TRAF5: variants seen among roughly 807,000 people sequenced by gnomAD.
TRAF5 encodes the protein TNF receptor-associated factor 5.
TRAF5 carries 48 observed loss-of-function variants against 64.5 expected under a neutral mutation model. The ratio of observed to expected loss-of-function variants is 0.74; its 90% CI spans 0.59 to 0.95. TRAF5 has a LOEUF of 0.95. TRAF5 is among the 40% of genes least tolerant of loss of function. The pLI, the probability that TRAF5 is intolerant of heterozygous loss-of-function variation, is 0.00. For missense variants in TRAF5, 545 were observed against 662.8 expected, an observed-to-expected ratio of 0.82 and a Z score of 1.95; for synonymous variants, 206 against 240.5, an observed-to-expected ratio of 0.86 and a Z score of 1.33.
In TRAF5 at chr1:211,356,646, G is replaced by A. The variant is rs544519823; in HGVS notation, c.378+178G>A. 3.8e-4 allele frequency: 218 copies of A among 571,600 alleles called. 1 individual carries two copies. Among genetic ancestry groups the A allele is most frequent in the South Asian group, 2.0e-3 (99 of 50,030 alleles). The allele number at this position is 571,600 out of a possible 1,614,324, so 35.4% of individuals were successfully genotyped here. ...GTGCTGTAGCCCACCTACGGCTGAG[G>A]TGTGAGTGAAGAGGTTCGTCCTGTA... On this transcript the variant is annotated intron_variant, in intron 4 of 10. Transcript: ENST00000261464.
At chr1:211,355,685 G>T (rs189275844) in intron 3 of TRAF5, among the ~76,000 whole-genome samples, 44 of 152,302 alleles carry the variant, frequency 2.9e-4, no homozygotes, top group Admixed American at 1.4e-3. Context: ...TGTAAGCTAA[G>T]AAATTCTTTT....
At chr1:211,332,595 T>C (rs1702184791) in intron 1 of TRAF5, among the ~76,000 whole-genome samples, 1 of 152,228 alleles carries the variant, frequency 6.6e-6, no homozygotes, top group African/African-American at 2.4e-5. Flanking sequence ...AAACTTACCA[T>C]GCCTCCCTGT....
At chr1:211,349,398 C>T (rs1702713454) in intron 1 of TRAF5, among the ~76,000 whole-genome samples, 1 of 152,206 alleles carries the variant, frequency 6.6e-6, no homozygotes, top group Non-Finnish European at 1.5e-5. Context: ...AAGATGGCAG[C>T]TTATTGCTGC....
chr1:211,372,405 G>A lies in TRAF5; in HGVS notation c.1377G>A (p.Leu459=), dbSNP rs780595103. ...NGDGSGRGSH[L]SLYFVVMRGE... Reference sequence around the variant, plus strand: ...ATGGGTCAGGGAGGGGGTCACACCTGTCCCTATACTTTGTGGTCATGCGAG... The same window carrying A: ...ATGGGTCAGGGAGGGGGTCACACCTATCCCTATACTTTGTGGTCATGCGAG... Residue 459 remains leucine (L), a synonymous_variant, in exon 11 of 11, where the codon CTG becomes CTA. Coordinates refer to ENST00000261464, the MANE Select transcript of TRAF5 (RefSeq NM_001033910.3). 4.3e-6 allele frequency: 7 copies of A among 1,614,174 alleles called. No homozygotes were observed. Among genetic ancestry groups the A allele is most frequent in the Non-Finnish European group, 5.9e-6 (7 of 1,180,032 alleles).
intron 1 of TRAF5, among the ~76,000 whole-genome samples, chr1:211,330,203 T>C (rs1315988825): frequency 2.0e-5 from 3 of 152,128 alleles, no homozygotes; most frequent in Admixed American, 6.5e-5. Flanking sequence ...ATCCGTGTGA[T>C]GTGCAGGTCT....
In TRAF5 at chr1:211,372,012, T is replaced by C. The variant is rs919257461; in HGVS notation, c.1100-116T>C. 6 of 892,108 alleles carry C rather than the reference T, an allele frequency of 6.7e-6. No homozygotes were observed. The African/African-American group carries it at 6.8e-5, about 10-fold the overall frequency. 55.3% of individuals were successfully genotyped at this position (892,108 alleles called of 1,614,324 possible). ...ACAACAAATGAATTCAGCTCATCTT[T>C]AGGATGGCAGGATTTTGTTGATTCT... On this transcript the variant is annotated intron_variant, in intron 10 of 10. Transcript: ENST00000261464.
Position 211,326,893 on chromosome 1 carries a change from A to G in TRAF5, c.-2+4A>G. ...GAGCCCGCGCGCCGAGCCCCACGTG[A>G]GTCCGGCGGGTCGCCGCCCTGGGCA... On this transcript the variant is annotated splice_donor_region_variant and intron_variant, in intron 1 of 10. Coordinates refer to ENST00000261464, the MANE Select transcript of TRAF5 (RefSeq NM_001033910.3). This position sits in a 1 kb window ranked among gnomAD's most constrained non-coding sequence, Gnocchi z 5.0. 3.0e-6 allele frequency: 3 copies of G among 985,232 alleles called. No individual in the cohort carries two copies. Among genetic ancestry groups the G allele is most frequent in the Non-Finnish European group, 3.6e-6 (3 of 829,584 alleles). 61.0% of individuals were successfully genotyped at this position (985,232 alleles called of 1,614,324 possible). A position where few individuals can be genotyped will look rare whatever the true frequency, so the allele number is the denominator to read the frequency against.
intron 3 of TRAF5, among the ~76,000 whole-genome samples, chr1:211,355,917 G>A (rs1185392541): frequency 6.6e-6 from 1 of 152,232 alleles, no homozygotes; most frequent in Non-Finnish European, 1.5e-5. Context: ...CAACAGAGAT[G>A]ATCGTGATGT....
Position 211,346,628 on chromosome 1 carries a change from G to A in TRAF5, c.-1-6611G>A, listed in dbSNP as rs562347918. ...TCTTCATTAATCCAAACTGGATGTT[G>A]GCAGGGGTATGGAGGTGGTATGGAT... On this transcript the variant is annotated intron_variant, in intron 1 of 10. Transcript: ENST00000261464. Among the ~76,000 whole-genome samples, 24 of 152,278 alleles carry A rather than the reference G, an allele frequency of 1.6e-4. No individual in the cohort carries two copies. In the South Asian group the frequency reaches 4.3e-3, roughly 28 times the overall value.
At position 211,333,030 on chromosome 1, in the gene TRAF5, A is replaced by G. The variant is rs144104440; in HGVS notation, c.-2+6141A>G. Among the ~76,000 whole-genome samples, 62 of 152,328 alleles carry G rather than the reference A, an allele frequency of 4.1e-4. No individual in the cohort carries two copies. In the East Asian group the frequency reaches 0.011, roughly 28 times the overall value. ...GTTCCCATAGGGCCTATGTATGACT[A>G]AGTGGTTCACTTTCACTTCACTTAC... On this transcript the variant is annotated intron_variant, in intron 1 of 10. Coordinates refer to ENST00000261464, the MANE Select transcript of TRAF5 (RefSeq NM_001033910.3).
intron 9 of TRAF5, 91 bp from the exon 10 acceptor site, chr1:211,371,211 A>G: frequency 8.7e-7 from 1 of 1,155,440 alleles, no homozygotes; most frequent in Non-Finnish European, 1.2e-6. Context: ...ATTAAATGTG[A>G]TATGTTTGAA....
In TRAF5 at chr1:211,326,853, C is replaced by G; in HGVS notation, c.-38C>G. On this transcript the variant is annotated 5_prime_UTR_variant, in exon 1 of 11. Coordinates refer to ENST00000261464, the MANE Select transcript of TRAF5 (RefSeq NM_001033910.3). The surrounding 1 kb of genome is among the most constrained non-coding windows in gnomAD (Gnocchi z 5.0). ...CAGCCAGGAGCAGCAGCCGCGCCTGCAGACCGGCCTCGCGGAGCCCGCGCG... is the reference window on the plus strand; with the variant it reads ...CAGCCAGGAGCAGCAGCCGCGCCTGGAGACCGGCCTCGCGGAGCCCGCGCG... 1 of 984,856 alleles carries G rather than the reference C, an allele frequency of 1.0e-6. No homozygotes were observed. The highest frequency in any genetic ancestry group is 1.2e-6 in the Non-Finnish European group (1 of 829,564). 61.0% of individuals were successfully genotyped at this position (984,856 alleles called of 1,614,324 possible).
At chr1:211,365,232 T>C (rs1043511083) in intron 7 of TRAF5, 144 bp from the exon 8 acceptor site, 5 of 620,070 alleles carry the variant, frequency 8.1e-6, no homozygotes, top group Non-Finnish European at 1.4e-5. Flanking sequence ...TCATTTTTCC[T>C]GCAACCCACC....
intron 1 of TRAF5, among the ~76,000 whole-genome samples, chr1:211,335,728 C>T (rs1414404503): frequency 2.0e-5 from 3 of 152,028 alleles, no homozygotes; most frequent in Non-Finnish European, 4.4e-5. Context: ...CCGGAAGAGA[C>T]AACAGCTTGA....
At chr1:211,331,741 C>T (rs1702162647) in intron 1 of TRAF5, among the ~76,000 whole-genome samples, 1 of 152,038 alleles carries the variant, frequency 6.6e-6, no homozygotes, top group South Asian at 2.1e-4. Context: ...TCTCAGCTCA[C>T]TGCAACCTCT....
intron 1 of TRAF5, among the ~76,000 whole-genome samples, chr1:211,330,902 C>G (rs965917686): frequency 1.3e-5 from 2 of 152,192 alleles, no homozygotes; most frequent in African/African-American, 4.8e-5. Context: ...TGGCCATTCC[C>G]AAGACTTAAA....
chr1:211,351,088 G>A (rs1285115782), intron 1 of TRAF5, among the ~76,000 whole-genome samples: 5 of 141,012 alleles, frequency 3.5e-5, no homozygotes, highest in South Asian at 2.4e-4. Flanking sequence ...GTGCAGTGGC[G>A]CCATCTCAGC....
chr1:211,356,538 T>A (rs1053023501), intron 4 of TRAF5, 70 bp downstream of exon 4: 10 of 1,301,372 alleles, frequency 7.7e-6, no homozygotes, highest in East Asian at 4.7e-5. Flanking sequence ...CCCCTTTATG[T>A]GACAGTTACT....
rs753207609 is a variant in TRAF5, at chr1:211,372,778, C to T, written c.*76C>T. On this transcript the variant is annotated 3_prime_UTR_variant, in exon 11 of 11. Coordinates refer to ENST00000261464, the MANE Select transcript of TRAF5 (RefSeq NM_001033910.3). ...AGAGCACATTTGATTATCATATTGA[C>T]CTGGATTTAGACTCAAAGCACATTT... The T allele has an allele frequency of 1.3e-5, 17 of 1,339,966 alleles. No individual in the cohort carries two copies. Among genetic ancestry groups the T allele is most frequent in the African/African-American group, 2.9e-5 (2 of 68,482 alleles). The allele number at this position is 1,339,966 out of a possible 1,614,324, so 83.0% of individuals were successfully genotyped here. A position where few individuals can be genotyped will look rare whatever the true frequency, so the allele number is the denominator to read the frequency against.
Sources: allele counts gnomAD v4.1 joint callset (sites outside exome capture counted in the v4.1 genomes callset), GRCh38; gene constraint gnomAD v4.1.1; non-coding constraint Gnocchi (gnomAD v3.1); transcripts MANE v1.5; gene names NCBI Gene and HGNC (gene_info 2026-07-23, HGNC 2026-07-21).